The following AFF4 variants were observed in gnomAD, a reference collection of about 807,000 sequenced individuals.
AFF4 encodes AF4/FMR2 family member 4.
Under a neutral mutation model 124.8 loss-of-function variants are expected in AFF4, and 13 were observed. That is an observed-to-expected ratio of 0.10 (90% CI 0.07 to 0.17). The LOEUF (loss-of-function observed/expected upper bound fraction) is 0.17. AFF4 is among the 10% of genes least tolerant of loss of function. The probability of loss-of-function intolerance (pLI) is 1.00; values close to 1 mark genes in which losing one functional copy is unlikely to be tolerated. For missense variants in AFF4, 1,092 were observed against 1,403.8 expected (o/e 0.78, Z 3.55); for synonymous variants, 477 against 496.1 (o/e 0.96, Z 0.51).
intron 1 of AFF4, among the ~76,000 whole-genome samples, chr5:132,959,867 C>A (rs570057577): frequency 6.7e-6 from 1 of 150,304 alleles, no homozygotes; most frequent in East Asian, 2.0e-4. Flanking sequence ...TGGGTTCACG[C>A]CATTCTGCTG....
chr5:132,896,981 G>A lies in AFF4; in HGVS notation c.1649C>T (p.Pro550Leu). 2 of 1,614,174 alleles carry A rather than the reference G, an allele frequency of 1.2e-6. No individual in the cohort carries two copies. Among genetic ancestry groups the A allele is most frequent in the Non-Finnish European group, 1.7e-6 (2 of 1,180,026 alleles). The change falls in exon 11 of 21, where the codon CCT becomes CTT. Residue 550 changes from proline to leucine, a missense_variant. Physicochemically the swap from Pro to Leu is moderately conservative, Grantham distance 98. This residue lies in a region of AFF4 where 174 missense variants were observed against 205.9 expected (regional missense o/e 0.84). Transcript: ENST00000265343. Reference sequence around the variant, plus strand: ...CTGTGTTGTGCTGTCACTCTGTGCAGGAGATTTCTGCCTCCCACGCCCACT... The same window carrying A: ...CTGTGTTGTGCTGTCACTCTGTGCAAGAGATTTCTGCCTCCCACGCCCACT... ...SESGRGRQKSPAQSDSTTQRR... is the reference protein window; with the variant it reads ...SESGRGRQKSLAQSDSTTQRR...
At chr5:132,905,046 C>T (rs920512254) in intron 5 of AFF4, among the ~76,000 whole-genome samples, 10 of 66,718 alleles carry the variant, frequency 1.5e-4, no homozygotes, top group African/African-American at 5.2e-4. Flanking sequence ...GAGACTCCAT[C>T]TCAAAAAAAA....
chr5:132,953,598 G>A (rs1250329936), intron 1 of AFF4, among the ~76,000 whole-genome samples: 1 of 152,060 alleles, frequency 6.6e-6, no homozygotes, highest in Non-Finnish European at 1.5e-5. Context: ...TTAATTTTCT[G>A]ATCTGCTTTC....
rs180909823 is a variant in AFF4, at chr5:132,917,584, A to G, written c.1050+9537T>C. On this transcript the variant is annotated intron_variant, in intron 5 of 20. Transcript: ENST00000265343. ...CAAACATTATAAAATCTTTATTCAC[A>G]GGTGAAATGATTGTCTAGGAAATAT... is the stretch of plus-strand genomic sequence containing the variant. Among the ~76,000 whole-genome samples the G allele has an allele frequency of 6.7e-3, 1,027 of 152,300 alleles. 7 individuals carry two copies. Among genetic ancestry groups the G allele is most frequent in the Non-Finnish European group, 7.5e-3 (508 of 68,022 alleles).
chr5:132,944,732 C>T (rs1047945250), intron 1 of AFF4, among the ~76,000 whole-genome samples: 3 of 151,832 alleles, frequency 2.0e-5, no homozygotes, highest in African/African-American at 7.3e-5. Context: ...GAGTTCAAGA[C>T]CAGTCTGGCC....
chr5:132,913,732 A>G (rs962452226), intron 5 of AFF4, among the ~76,000 whole-genome samples: 12 of 152,212 alleles, frequency 7.9e-5, no homozygotes, highest in African/African-American at 2.7e-4. Flanking sequence ...GTGTGCCACC[A>G]CACTGGCTGG....
At chr5:132,946,500 A>G (rs1761699878) in intron 1 of AFF4, among the ~76,000 whole-genome samples, 1 of 152,256 alleles carries the variant, frequency 6.6e-6, no homozygotes, top group Non-Finnish European at 1.5e-5. Context: ...CTATTTAGCC[A>G]TAAGGAATGA....
intron 5 of AFF4, among the ~76,000 whole-genome samples, chr5:132,914,206 C>T (rs1431006311): frequency 6.8e-6 from 1 of 146,700 alleles, no homozygotes; most frequent in South Asian, 2.2e-4. Flanking sequence ...CCAGCCTGGG[C>T]AACGGAGCAA....
rs374227728 is a variant in AFF4 at position 132,937,049 on chromosome 5, C to G, written c.123+18G>C. The G allele has an allele frequency of 3.0e-5, 48 of 1,583,150 alleles. No homozygotes were observed. In the African/African-American group the frequency reaches 6.2e-4, roughly 20 times the overall value. Reference sequence around the variant, plus strand: ...GTCATGCTAATGGGAAAAAAACATTCACAGAAGGGCAACTTACAACTTTGT... The same window carrying G: ...GTCATGCTAATGGGAAAAAAACATTGACAGAAGGGCAACTTACAACTTTGT... On this transcript the variant is annotated intron_variant, in intron 2 of 20. Coordinates refer to ENST00000265343, the MANE Select transcript of AFF4 (RefSeq NM_014423.4).
chr5:132,931,064 G>A (rs1450069421), intron 4 of AFF4, among the ~76,000 whole-genome samples: 1 of 144,930 alleles, frequency 6.9e-6, no homozygotes, highest in African/African-American at 2.6e-5. Flanking sequence ...CTGAGATCAC[G>A]CCACTGCACT....
At chr5:132,908,521 A>T (rs1760719457) in intron 5 of AFF4, among the ~76,000 whole-genome samples, 1 of 151,964 alleles carries the variant, frequency 6.6e-6, no homozygotes, top group Non-Finnish European at 1.5e-5. Context: ...GTTGTAAATC[A>T]TTTAGAAAAA....
rs547466132 is a variant in AFF4 at position 132,881,245 on chromosome 5, A to C, written c.3365-59T>G. ...TACTCTTTTGAATCACTGCTTTAAA[A>C]CTATGAGTAGAGATTATAAAACAGC... On this transcript the variant is annotated intron_variant, in intron 20 of 20. Transcript: ENST00000265343. 2.6e-6 allele frequency: 4 copies of C among 1,566,042 alleles called. No individual in the cohort carries two copies. In the Admixed American group the frequency reaches 7.3e-5, roughly 29 times the overall value.
At chr5:132,952,949 C>A (rs1246403020) in intron 1 of AFF4, among the ~76,000 whole-genome samples, 1 of 152,184 alleles carries the variant, frequency 6.6e-6, no homozygotes, top group African/African-American at 2.4e-5. Context: ...AGAATGCCCA[C>A]ATATGCTCCC....
chr5:132,887,384 T>C (rs1760143272), intron 17 of AFF4, 137 bp downstream of exon 17: 1 of 752,366 alleles, frequency 1.3e-6, no homozygotes, highest in Non-Finnish European at 2.1e-6. Context: ...AGTTACTTCC[T>C]GCTTGACCCA....
chr5:132,960,067 T>G (rs1277621683), intron 1 of AFF4, among the ~76,000 whole-genome samples: 2 of 152,148 alleles, frequency 1.3e-5, no homozygotes, highest in Admixed American at 1.3e-4. Flanking sequence ...TAGGAGCGCT[T>G]TTCTTAAACC....
chr5:132,911,614 G>A (rs1760791998), intron 5 of AFF4, among the ~76,000 whole-genome samples: 2 of 151,560 alleles, frequency 1.3e-5, no homozygotes, highest in Non-Finnish European at 2.9e-5. Context: ...ACAACTTTAA[G>A]GGGCCTAATA....
At position 132,897,002 on chromosome 5, in the gene AFF4, C is replaced by A. The variant is rs1239010394; in HGVS notation, c.1628G>T (p.Gly543Val). 1 of 1,614,078 alleles carries A rather than the reference C, an allele frequency of 6.2e-7. No individual in the cohort carries two copies. The highest frequency in any genetic ancestry group is 1.3e-5 in the African/African-American group (1 of 74,914). Residue 543 changes from glycine (G) to valine (V), a missense_variant, in exon 11 of 21, where the codon GGG (glycine) becomes GTG (valine). By Grantham distance (109) the Gly-to-Val change is moderately radical. Coordinates refer to ENST00000265343, the MANE Select transcript of AFF4 (RefSeq NM_014423.4). ...TGCAGGAGATTTCTGCCTCCCACGC[C>A]CACTTTCTGATCCCTTTTGGATGGT... ...SKTIQKGSES[G>V]RGRQKSPAQS...
rs554206389 is a variant in AFF4 at position 132,943,062 on chromosome 5, G to C, written c.-4-5869C>G. On this transcript the variant is annotated intron_variant, in intron 1 of 20. Coordinates refer to ENST00000265343, the MANE Select transcript of AFF4 (RefSeq NM_014423.4). ...GAGGCCAGAAAGTATTATGTAACTA[G>C]TTGACGCCCCAAGACAAAGATTTTT... 3 of 201,590 alleles carry C rather than the reference G, an allele frequency of 1.5e-5. No homozygotes were observed. The South Asian group carries it at 2.9e-4, about 19-fold the overall frequency. 12.5% of individuals were successfully genotyped at this position (201,590 alleles called of 1,614,324 possible).
chr5:132,931,215 G>A (rs1217372777), intron 4 of AFF4, among the ~76,000 whole-genome samples: 5 of 151,846 alleles, frequency 3.3e-5, no homozygotes, highest in Non-Finnish European at 7.4e-5. Flanking sequence ...AGTAACTGGA[G>A]GTCAGAAGTT....
Sources: gnomAD v4.1 joint callset for allele counts (sites outside exome capture counted in the v4.1 genomes callset) on GRCh38, gnomAD v4.1.1 for gene constraint, gnomAD v4.1.1 regional missense constraint, MANE v1.5 for transcripts, NCBI Gene and HGNC (gene_info 2026-07-23, HGNC 2026-07-21) for gene names.